PLXNB3: variants seen among roughly 807,000 people sequenced by gnomAD.
PLXNB3 encodes the protein plexin-B3.
PLXNB3 carries 80 observed loss-of-function variants against 125.7 expected under a neutral mutation model. The ratio of observed to expected loss-of-function variants is 0.64; its 90% CI spans 0.53 to 0.77. The LOEUF (loss-of-function observed/expected upper bound fraction) is 0.77. PLXNB3 is among the 30% of genes least tolerant of loss of function. The probability of loss-of-function intolerance (pLI) is 0.00; values close to 1 mark genes in which losing one functional copy is unlikely to be tolerated. For synonymous variants in PLXNB3, 954 were observed against 783.3 expected, an observed-to-expected ratio of 1.22 and a Z score of -3.64; for missense variants, 1,836 against 1,729.3, an observed-to-expected ratio of 1.06 and a Z score of -1.09.
rs1263277859 is a variant in PLXNB3 at position 153,771,489 on chromosome X, T to C, written c.2351T>C (p.Ile784Thr). ...RLDNTHALYV[I>T]LYDCAMGHPD... is the part of the protein sequence containing the mutation. ...CACACTGCCTGACCCTCCCTAGTGA[T>C]CCTGTACGACTGCGCCATGGGCCAC... is the stretch of plus-strand genomic sequence containing the variant. The change falls in exon 14 of 36, where the codon ATC becomes ACC. Residue 784 changes from isoleucine to threonine, a missense_variant. Coordinates refer to ENST00000361971, the MANE Select transcript of PLXNB3 (RefSeq NM_005393.3). 5 of 1,206,138 alleles carry C rather than the reference T, an allele frequency of 4.1e-6. No individual in the cohort carries two copies. The highest frequency in any genetic ancestry group is 5.6e-6 in the Non-Finnish European group (5 of 892,421).
Position 153,771,029 on chromosome X carries a change from C to T in PLXNB3, c.2201C>T (p.Thr734Ile), listed in dbSNP as rs1557061655. 5 of 1,209,387 alleles carry T rather than the reference C, an allele frequency of 4.1e-6. No individual in the cohort carries two copies. ...LPGELRGLPA[T>I]LEETAGDSGL... ...GGAGAACTTCGGGGACTGCCGGCCA[C>T]CCTGGAGGAGACAGCAGGGGATTCA... The change falls in exon 12 of 36, where the codon ACC becomes ATC. Residue 734 changes from threonine to isoleucine, a missense_variant. Transcript: ENST00000361971.
At chrX:153,765,394 G>C in intron 1 of PLXNB3, 77 bp from the exon 2 acceptor site, 1 of 799,547 alleles carries the variant, frequency 1.3e-6, no homozygotes, top group South Asian at 2.5e-5. Flanking sequence ...GGCCCTGGGC[G>C]CCACCCCCAC....
At chrX:153,770,723 G>A in intron 10 of PLXNB3, 35 bp from the exon 11 acceptor site, 1 of 1,204,317 alleles carries the variant, frequency 8.3e-7, no homozygotes, top group Non-Finnish European at 1.1e-6. Flanking sequence ...TAGGCCCTTT[G>A]AGTTCTGAAG....
intron 2 of PLXNB3, 54 bp downstream of exon 2, chrX:153,765,634 G>A: frequency 5.1e-6 from 6 of 1,169,533 alleles, no homozygotes; most frequent in South Asian, 1.9e-5. Flanking sequence ...GGCAGGGTAG[G>A]GCAGGATGGC....
rs374845209 is a variant in PLXNB3 at position 153,767,361 on chromosome X, G to A, written c.534G>A (p.Val178=). The part of the protein sequence containing the change: ...TPGVATVGLV[V]PLPGRDLLLV... Reference sequence around the variant, plus strand: ...GAGTGGCAACGGTGGGGCTGGTGGTGCCCTTGCCCGGCCGGGACCTCCTGC... The same window carrying A: ...GAGTGGCAACGGTGGGGCTGGTGGTACCCTTGCCCGGCCGGGACCTCCTGC... Residue 178 remains valine, a synonymous_variant, in exon 3 of 36, where the codon GTG becomes GTA. Coordinates refer to ENST00000361971, the MANE Select transcript of PLXNB3 (RefSeq NM_005393.3). 2 of 1,194,399 alleles carry A rather than the reference G, an allele frequency of 1.7e-6. No homozygotes were observed. The highest frequency in any genetic ancestry group is 3.5e-5 in the African/African-American group (2 of 57,209).
At chrX:153,777,006 G>A (rs782810434) in intron 29 of PLXNB3, 26 bp downstream of exon 29, 6 of 1,075,481 alleles carry the variant, frequency 5.6e-6, no homozygotes, top group Non-Finnish European at 7.6e-6. Context: ...CTGACCTGGG[G>A]CCACTGGAGT....
intron 2 of PLXNB3, 52 bp from the exon 3 acceptor site, chrX:153,766,821 G>A: frequency 4.4e-6 from 5 of 1,125,884 alleles, no homozygotes; most frequent in Middle Eastern, 2.6e-4. Context: ...ACCTTCCTCT[G>A]GTCCTCTATC....
chrX:153,769,377 C>A, intron 6 of PLXNB3, 115 bp downstream of exon 6: 1 of 564,890 alleles, frequency 1.8e-6, no homozygotes, highest in South Asian at 3.0e-5. Context: ...TGGAGAGACT[C>A]AGGGCCACCA....
rs1294332908 is a variant in PLXNB3 at position 153,767,340 on chromosome X, G to C, written c.513G>C (p.Val171=). The C allele has an allele frequency of 4.2e-6, 5 of 1,201,454 alleles. No homozygotes were observed. The African/African-American group carries it at 8.7e-5, about 21-fold the overall frequency. The part of the protein sequence containing the change: ...GQFVAANTPG[V]ATVGLVVPLP... ...TTGTGGCTGCCAATACCCCGGGAGT[G>C]GCAACGGTGGGGCTGGTGGTGCCCT... Residue 171 remains valine (V), a synonymous_variant, in exon 3 of 36, where the codon GTG becomes GTC. Transcript: ENST00000361971.
rs781851521 is a variant in PLXNB3, at chrX:153,768,937, C to T, written c.1267-11C>T. On this transcript the variant is annotated splice_polypyrimidine_tract_variant and intron_variant, in intron 4 of 35. Coordinates refer to ENST00000361971, the MANE Select transcript of PLXNB3 (RefSeq NM_005393.3). The stretch of plus-strand genomic sequence containing the variant: ...CATCTGGCCCAGCCTCGTCCTTGTC[C>T]CCCCACTCAGGTCTTTCTCCACGGC... 7 of 1,208,687 alleles carry T rather than the reference C, an allele frequency of 5.8e-6. No homozygotes were observed. Among genetic ancestry groups the T allele is most frequent in the South Asian group, 1.8e-5 (1 of 56,347 alleles).
At chrX:153,771,238 G>T in intron 12 of PLXNB3, 72 bp from the exon 13 acceptor site, 7 of 957,359 alleles carry the variant, frequency 7.3e-6, no homozygotes, top group Non-Finnish European at 1.1e-5. Context: ...ATTCTGGGGG[G>T]TGGCCCAGAG....
At position 153,777,646 on chromosome X, in the gene PLXNB3, G is replaced by A. The variant is rs1341418700; in HGVS notation, c.5219G>A (p.Gly1740Asp). ...DLLDELAEKHGIEDPGTLHIW... is the reference protein window; with the variant it reads ...DLLDELAEKHDIEDPGTLHIW... ...CTGGATGAGCTAGCAGAGAAGCACG[G>A]CATCGAGGACCCAGGGACCCTGCAC... Residue 1740 changes from glycine to aspartate, a missense_variant, in exon 31 of 36, where the codon GGC (glycine) becomes GAC (aspartate). Transcript: ENST00000361971. 8.3e-7 allele frequency: 1 copy of A among 1,210,598 alleles called. No individual in the cohort carries two copies. The highest frequency in any genetic ancestry group is 1.1e-6 in the Non-Finnish European group (1 of 895,180).
In PLXNB3 at chrX:153,773,306, G is replaced by A; in HGVS notation, c.2983G>A (p.Val995Met). 1 of 1,210,284 alleles carries A rather than the reference G, an allele frequency of 8.3e-7. No individual in the cohort carries two copies. The highest frequency in any genetic ancestry group is 1.1e-6 in the Non-Finnish European group (1 of 895,030). The stretch of plus-strand genomic sequence containing the variant: ...TGCCCCAGGAGAAGCAGCGGTCCTT[G>A]TGGTCTTTGGCCATGCCCAGCGCAC... ...QAAPGEAAVL[V>M]VFGHAQRTLL... Residue 995 changes from valine to methionine, a missense_variant, in exon 18 of 36, where the codon GTG (valine) becomes ATG (methionine). Val to Met is a conservative substitution (Grantham distance 21). Coordinates refer to ENST00000361971, the MANE Select transcript of PLXNB3 (RefSeq NM_005393.3).
At chrX:153,769,347 G>A (rs1442713872) in intron 6 of PLXNB3, 85 bp downstream of exon 6, 25 of 785,139 alleles carry the variant, frequency 3.2e-5, no homozygotes, top group Non-Finnish European at 4.2e-5. Context: ...TAGGCGTGCC[G>A]GGAGGCCAAC....
Position 153,779,150 on chromosome X carries a change from CA to C in PLXNB3, c.*114del. On this transcript the variant is annotated 3_prime_UTR_variant, in exon 36 of 36. Coordinates refer to ENST00000361971, the MANE Select transcript of PLXNB3 (RefSeq NM_005393.3). The stretch of plus-strand genomic sequence containing the variant: ...TGGCAGAGCCTGGGGGCACAGGGTG[CA>C]AAGCCAGGCACTGTGCCCAGCAGTG... 1 of 529,009 alleles carries C rather than the reference CA, an allele frequency of 1.9e-6. No individual in the cohort carries two copies. Among genetic ancestry groups the C allele is most frequent in the Non-Finnish European group, 2.9e-6 (1 of 339,816 alleles). The allele number at this position is 529,009 out of a possible 1,213,427, so 43.6% of individuals were successfully genotyped here. A position where few individuals can be genotyped will look rare whatever the true frequency, so the allele number is the denominator to read the frequency against.
Position 153,776,926 on chromosome X carries a change from C to T in PLXNB3, c.4873C>T (p.His1625Tyr), listed in dbSNP as rs1408267129. ...AACAGTGGGGCTCGTCCCTCAGCTGCACCGTGGCAGCACCATCTCCCAGAG... is the reference window on the plus strand; with the variant it reads ...AACAGTGGGGCTCGTCCCTCAGCTGTACCGTGGCAGCACCATCTCCCAGAG... ...GATVGLVPQLHRGSTISQSLA... is the reference protein window; with the variant it reads ...GATVGLVPQLYRGSTISQSLA... The change falls in exon 29 of 36, where the codon CAC becomes TAC. Residue 1625 changes from histidine (H) to tyrosine (Y), a missense_variant. His to Tyr is a moderately conservative substitution (Grantham distance 83, BLOSUM62 2). Transcript: ENST00000361971. 8.3e-7 allele frequency: 1 copy of T among 1,200,162 alleles called. No homozygotes were observed. The highest frequency in any genetic ancestry group is 1.1e-6 in the Non-Finnish European group (1 of 889,716).
chrX:153,766,627 G>T, intron 2 of PLXNB3: 1 of 1,057,678 alleles, frequency 9.5e-7, no homozygotes, highest in Non-Finnish European at 1.2e-6. Flanking sequence ...TTGTGCGTGC[G>T]TGCATGCACC....
rs376007115 is a variant in PLXNB3 at position 153,775,329 on chromosome X, G to A, written c.4260G>A (p.Thr1420=). 51 of 1,209,540 alleles carry A rather than the reference G, an allele frequency of 4.2e-5. No homozygotes were observed. The highest frequency in any genetic ancestry group is 1.2e-4 in the South Asian group (7 of 56,755). The stretch of plus-strand genomic sequence containing the variant: ...TACACGGCAAGCTGGAGTACCTGAC[G>A]GACATCATGAGGACCCTGCTGGGTG... ...LALHGKLEYL[T]DIMRTLLGDL... The change falls in exon 25 of 36, where the codon ACG becomes ACA. Residue 1420 remains threonine, a synonymous_variant. Transcript: ENST00000361971.
intron 6 of PLXNB3, 79 bp from the exon 7 acceptor site, chrX:153,769,719 AGCTGGGCCG>A (rs1312904645): frequency 9.0e-6 from 9 of 1,004,386 alleles, no homozygotes; most frequent in Non-Finnish European, 1.2e-5. Context: ...ACTGCACTCC[AGCTGGGCCG>A]GCCTCCCCAG....
Sources: allele counts gnomAD v4.1 joint callset, GRCh38; gene constraint gnomAD v4.1.1; transcripts MANE v1.5; gene names NCBI Gene and HGNC (gene_info 2026-07-23, HGNC 2026-07-21).